Variants in SP100 observed in about 807,000 individuals in gnomAD.
SP100 encodes nuclear autoantigen Sp-100.
Under a neutral mutation model 130.0 loss-of-function variants are expected in SP100, and 84 were observed. That is an observed-to-expected ratio of 0.65 (90% CI 0.54 to 0.77). SP100 has a LOEUF of 0.77. Ranked by LOEUF, SP100 falls within the 30% of genes least tolerant of loss-of-function variation. The pLI, the probability that SP100 is intolerant of heterozygous loss-of-function variation, is 0.00. For synonymous variants in SP100, 331 were observed against 351.7 expected (o/e 0.94, Z 0.66); for missense variants, 978 against 1,052.2 (o/e 0.93, Z 0.97).
At chr2:230,541,199 A>G in intron 26 of SP100, 102 bp from the exon 27 acceptor site, 1 of 1,267,016 alleles carries the variant, frequency 7.9e-7, no homozygotes, top group Non-Finnish European at 1.1e-6. Context: ...GTTTGTTTCA[A>G]AGAGTCCACA....
intron 24 of SP100, among the ~76,000 whole-genome samples, chr2:230,532,777 TTTTA>T (rs200512124): frequency 6.6e-6 from 1 of 152,064 alleles, no homozygotes; most frequent in African/African-American, 2.4e-5. Flanking sequence ...TTATTTTTAT[TTTTA>T]TTTATTTATT....
intron 24 of SP100, among the ~76,000 whole-genome samples, chr2:230,523,508 A>G (rs981624486): frequency 6.6e-5 from 10 of 152,036 alleles, no homozygotes; most frequent in African/African-American, 2.4e-4. Flanking sequence ...CTCTATAAAA[A>G]ATAAAAATAA....
chr2:230,505,249 C>T (rs1689990218), intron 21 of SP100, among the ~76,000 whole-genome samples: 2 of 152,182 alleles, frequency 1.3e-5, no homozygotes, highest in African/African-American at 4.8e-5. Context: ...GAGGCCATCT[C>T]CTCTTACCCT....
At chr2:230,537,514 C>T (rs836235) in intron 24 of SP100, 24,830 of 152,168 alleles carry the variant, frequency 0.16, 2,444 homozygotes, top group Non-Finnish European at 0.22. Flanking sequence ...ACAGCCAAGC[C>T]CTCTGTGAAG....
At chr2:230,457,543 G>C (rs1159393595) in intron 8 of SP100, among the ~76,000 whole-genome samples, 1 of 152,154 alleles carries the variant, frequency 6.6e-6, no homozygotes, top group African/African-American at 2.4e-5. Flanking sequence ...TCTGTGGTTT[G>C]GGTGTAAGGC....
rs191949432 is a variant in SP100, at chr2:230,533,628, A to G, written c.2095-5639A>G. On this transcript the variant is annotated intron_variant, in intron 24 of 28. Coordinates refer to ENST00000340126, the MANE Select transcript of SP100 (RefSeq NM_001080391.2). ...ATGACAGTCAAAATGAACTGCTTTC[A>G]TGAGACACTGGGCCAGAAATTAAAA... Among the ~76,000 whole-genome samples the G allele has an allele frequency of 2.6e-5, 4 of 152,356 alleles. No homozygotes were observed. In the East Asian group the frequency reaches 7.7e-4, roughly 29 times the overall value.
At position 230,541,940 on chromosome 2, in the gene SP100, G is replaced by T; in HGVS notation, c.2452G>T (p.Val818Phe). Residue 818 changes from valine to phenylalanine, a missense_variant, in exon 28 of 29, where the codon GTC becomes TTC. Coordinates refer to ENST00000340126, the MANE Select transcript of SP100 (RefSeq NM_001080391.2). ...ACAGAAGCCCATGTGGTTAAACAAA[G>T]TCAAGACAAGTTTGAATGAGCAGAT... ...GPQKPMWLNKVKTSLNEQMYT... is the reference protein window; with the variant it reads ...GPQKPMWLNKFKTSLNEQMYT... 6.2e-7 allele frequency: 1 copy of T among 1,614,134 alleles called. No individual in the cohort carries two copies. Among genetic ancestry groups the T allele is most frequent in the Non-Finnish European group, 8.5e-7 (1 of 1,179,982 alleles).
intron 9 of SP100, 101 bp downstream of exon 9, chr2:230,461,515 G>C (rs1183990807): frequency 1.7e-6 from 2 of 1,201,640 alleles, no homozygotes; most frequent in Non-Finnish European, 2.4e-6. Context: ...AGGTAGCCTG[G>C]GATGGAGGCA....
intron 20 of SP100, among the ~76,000 whole-genome samples, chr2:230,503,436 G>T (rs2067147193): frequency 6.6e-6 from 1 of 152,038 alleles, no homozygotes; most frequent in Non-Finnish European, 1.5e-5. Flanking sequence ...AGAGTTATTG[G>T]GATATCCATC....
At position 230,543,623 on chromosome 2, in the gene SP100, T is replaced by A. The variant is rs1232881617; in HGVS notation, c.*677T>A. ...TCAGGGAGGTGAGAGAGTTCTACAA[T>A]GAGAATTACGAAACACTGCTCAAAG... On this transcript the variant is annotated 3_prime_UTR_variant, in exon 29 of 29. Transcript: ENST00000340126. 6.6e-6 allele frequency: 1 copy of A among 151,980 alleles called. No individual in the cohort carries two copies. The highest frequency in any genetic ancestry group is 1.5e-5 in the Non-Finnish European group (1 of 67,988). The allele number at this position is 151,980 out of a possible 1,614,324, so 9.4% of individuals were successfully genotyped here. A position where few individuals can be genotyped will look rare whatever the true frequency, so the allele number is the denominator to read the frequency against.
intron 17 of SP100, among the ~76,000 whole-genome samples, chr2:230,489,499 A>G (rs2066283192): frequency 6.6e-6 from 1 of 150,716 alleles, no homozygotes; most frequent in African/African-American, 2.4e-5. Flanking sequence ...AGAGTTTTTC[A>G]TATCTCTATC....
chr2:230,527,685 C>T (rs765976270), intron 24 of SP100, among the ~76,000 whole-genome samples: 2 of 152,166 alleles, frequency 1.3e-5, no homozygotes, highest in Non-Finnish European at 2.9e-5. Flanking sequence ...ACCCAACTCA[C>T]ATGCAAAGAC....
chr2:230,447,578 A>C (rs545127236), intron 5 of SP100, among the ~76,000 whole-genome samples: 2 of 152,168 alleles, frequency 1.3e-5, no homozygotes, highest in African/African-American at 4.8e-5. Flanking sequence ...CACAGATCTC[A>C]TGGAAATGTT....
chr2:230,461,317 A>G lies in SP100; in HGVS notation c.876A>G (p.Arg292=), dbSNP rs750142442. 4 of 1,613,980 alleles carry G rather than the reference A, an allele frequency of 2.5e-6. No individual in the cohort carries two copies. Among genetic ancestry groups the G allele is most frequent in the Non-Finnish European group, 3.4e-6 (4 of 1,179,966 alleles). The change falls in exon 9 of 29, where the codon CGA becomes CGG. Residue 292 remains arginine, a synonymous_variant. Coordinates refer to ENST00000340126, the MANE Select transcript of SP100 (RefSeq NM_001080391.2). ...HGIQINSCSV[R]LVDIKKEKPF... ...TCCAAATTAATTCCTGTTCTGTGCG[A>G]CTGGTGGATATAAAAAAGGAAAAGC...
Position 230,460,823 on chromosome 2 carries a change from C to T in SP100, c.821-439C>T. ...TATTTTTAGTAGAGACGGGGTTTCACCTTGTTAGCCAGGATGGTCTCGATC... is the reference window on the plus strand; with the variant it reads ...TATTTTTAGTAGAGACGGGGTTTCATCTTGTTAGCCAGGATGGTCTCGATC... On this transcript the variant is annotated intron_variant, in intron 8 of 28. Transcript: ENST00000340126. Among the ~76,000 whole-genome samples, 4 of 26,768 alleles carry T rather than the reference C, an allele frequency of 1.5e-4. 2 individuals are homozygous for T. In the South Asian group the frequency reaches 2.7e-3, roughly 18 times the overall value. 17.6% of individuals were successfully genotyped at this position (26,768 alleles called of 152,430 possible). A position where few individuals can be genotyped will look rare whatever the true frequency, so the allele number is the denominator to read the frequency against.
rs11675846 is a variant in SP100, at chr2:230,452,812, C to T, written c.820+2557C>T. Among the ~76,000 whole-genome samples the T allele has an allele frequency of 3.1e-4, 42 of 136,648 alleles. 1 individual carries two copies. In the East Asian group the frequency reaches 7.5e-3, roughly 24 times the overall value. 89.6% of individuals were successfully genotyped at this position (136,648 alleles called of 152,430 possible). A position where few individuals can be genotyped will look rare whatever the true frequency, so the allele number is the denominator to read the frequency against. ...ACTTTACTGAATTTGTTTATTAGTT[C>T]TAGCAGTTTTTTTTTTTTTTTTTTT... On this transcript the variant is annotated intron_variant, in intron 8 of 28. Transcript: ENST00000340126.
At chr2:230,542,538 T>C (rs1401475317) in intron 28 of SP100, among the ~76,000 whole-genome samples, 1 of 152,212 alleles carries the variant, frequency 6.6e-6, no homozygotes, top group East Asian at 1.9e-4. Flanking sequence ...AACATTTCTG[T>C]ACTATCATAA....
chr2:230,425,659 G>A (rs2149865755), intron 2 of SP100, among the ~76,000 whole-genome samples: 1 of 152,122 alleles, frequency 6.6e-6, no homozygotes, highest in Non-Finnish European at 1.5e-5. Context: ...GGTTTGGTTT[G>A]GTAGTATTTT....
In SP100 at chr2:230,460,768, C is replaced by T. The variant is rs1377866684; in HGVS notation, c.821-494C>T. Among the ~76,000 whole-genome samples the T allele has an allele frequency of 4.4e-5, 3 of 67,990 alleles. 1 individual carries two copies. Among genetic ancestry groups the T allele is most frequent in the Admixed American group, 2.6e-4 (2 of 7,760 alleles). 44.6% of individuals were successfully genotyped at this position (67,990 alleles called of 152,430 possible). On this transcript the variant is annotated intron_variant, in intron 8 of 28. Transcript: ENST00000340126. ...CCTCCCGAGTAGCTGGGACTACAGGCGCCCGCCACCGCGCCCGGCTAATTT... is the reference window on the plus strand; with the variant it reads ...CCTCCCGAGTAGCTGGGACTACAGGTGCCCGCCACCGCGCCCGGCTAATTT...
Sources: gnomAD v4.1 joint callset for allele counts (sites outside exome capture counted in the v4.1 genomes callset) on GRCh38, gnomAD v4.1.1 for gene constraint, MANE v1.5 for transcripts, NCBI Gene and HGNC (gene_info 2026-07-23, HGNC 2026-07-21) for gene names.